NAB1: variants seen among roughly 807,000 people sequenced by gnomAD.
The protein encoded by NAB1 is NGFI-A binding protein 1.
NAB1 carries 25 observed loss-of-function variants against 49.9 expected under a neutral mutation model. The ratio of observed to expected loss-of-function variants is 0.50; its 90% CI spans 0.37 to 0.70. NAB1 has a LOEUF of 0.70. Ranked by LOEUF, NAB1 falls within the 30% of genes least tolerant of loss-of-function variation. NAB1 has a pLI of 0.00. For missense variants in NAB1, 489 were observed against 575.9 expected (o/e 0.85, Z 1.54); for synonymous variants, 198 against 215.6 (o/e 0.92, Z 0.71).
Position 190,659,459 on chromosome 2 carries a change from C to A in NAB1, c.283C>A (p.Pro95Thr). The A allele has an allele frequency of 6.2e-7, 1 of 1,614,144 alleles. No homozygotes were observed. ...PLTSLPVSSI[P>T]IYKLPEGSPT... ...GACTTCCCTTCCTGTCAGTAGCATA[C>A]CCATCTATAAATTACCAGAGGGATC... The change falls in exon 4 of 10, where the codon CCC becomes ACC. Residue 95 changes from proline to threonine, a missense_variant. Coordinates refer to ENST00000337386, the MANE Select transcript of NAB1 (RefSeq NM_005966.4). This position sits in a 1 kb window ranked among gnomAD's most constrained non-coding sequence, Gnocchi z 6.2.
At position 190,669,202 on chromosome 2, in the gene NAB1, G is replaced by T. The variant is rs1003300675; in HGVS notation, c.820-1124G>T. Among the ~76,000 whole-genome samples, 1 of 152,154 alleles carries T rather than the reference G, an allele frequency of 6.6e-6. No individual in the cohort carries two copies. Among genetic ancestry groups the T allele is most frequent in the Non-Finnish European group, 1.5e-5 (1 of 68,040 alleles). ...GCACACAGTTTAAAACTTATGAATT[G>T]TTTATTTGTATAATTTTTCATTTAA... On this transcript the variant is annotated intron_variant, in intron 4 of 9. Transcript: ENST00000337386. The surrounding 1 kb of genome is among the most constrained non-coding windows in gnomAD (Gnocchi z 4.3).
In NAB1 at chr2:190,689,126, A is replaced by C. The variant is rs758914495; in HGVS notation, c.1376-1119A>C. Among the ~76,000 whole-genome samples the C allele has an allele frequency of 2.0e-5, 3 of 152,134 alleles. No homozygotes were observed. Among genetic ancestry groups the C allele is most frequent in the Non-Finnish European group, 2.9e-5 (2 of 68,020 alleles). ...CAGGTGTGAGCCACTGTGCCCGGCC[A>C]CCTTATTCTTTATTTTTAACTGAAT... On this transcript the variant is annotated intron_variant, in intron 9 of 9. Coordinates refer to ENST00000337386, the MANE Select transcript of NAB1 (RefSeq NM_005966.4). This position sits in a 1 kb window ranked among gnomAD's most constrained non-coding sequence, Gnocchi z 4.3.
chr2:190,669,598 C>G lies in NAB1; in HGVS notation c.820-728C>G, dbSNP rs1449882787. 1.3e-5 allele frequency among the ~76,000 whole-genome samples: 2 copies of G among 152,124 alleles called. No homozygotes were observed. The highest frequency in any genetic ancestry group is 2.9e-5 in the Non-Finnish European group (2 of 68,032). Reference sequence around the variant, plus strand: ...TTGCATATTAAAAAAGTCTGATATACCTCTTGACAGTTTCCTATATCTATT... The same window carrying G: ...TTGCATATTAAAAAAGTCTGATATAGCTCTTGACAGTTTCCTATATCTATT... On this transcript the variant is annotated intron_variant, in intron 4 of 9. Transcript: ENST00000337386. This position sits in a 1 kb window ranked among gnomAD's most constrained non-coding sequence, Gnocchi z 4.3.
intron 6 of NAB1, among the ~76,000 whole-genome samples, chr2:190,681,469 G>T (rs1263228930): frequency 6.6e-6 from 1 of 152,074 alleles, no homozygotes; most frequent in East Asian, 1.9e-4. Context: ...TAAGAAAAAG[G>T]GAACTTTGGA....
Position 190,659,821 on chromosome 2 carries a change from G to C in NAB1, c.645G>C (p.Leu215Phe), listed in dbSNP as rs1380149938. 1 of 1,614,116 alleles carries C rather than the reference G, an allele frequency of 6.2e-7. No homozygotes were observed. The highest frequency in any genetic ancestry group is 1.3e-5 in the African/African-American group (1 of 74,938). The change falls in exon 4 of 10, where the codon TTG (leucine) becomes TTC (phenylalanine). Residue 215 changes from leucine (L) to phenylalanine (F), a missense_variant. This residue lies in a region of NAB1 where 204 missense variants were observed against 220.9 expected (regional missense o/e 0.92). Transcript: ENST00000337386. The surrounding 1 kb of genome is among the most constrained non-coding windows in gnomAD (Gnocchi z 6.2). ...CCCCCACACTGCCAAAAAGTGACTT[G>C]AATGAAGTGAAAGAGCTGCTAAAAA... is the stretch of plus-strand genomic sequence containing the variant. ...RMAPTLPKSD[L>F]NEVKELLKTN...
intron 3 of NAB1, among the ~76,000 whole-genome samples, chr2:190,658,594 T>G (rs908944473): frequency 2.0e-5 from 3 of 152,212 alleles, no homozygotes; most frequent in African/African-American, 7.2e-5. Context: ...AATTAACACC[T>G]TCTATTTCTC....
Position 190,670,610 on chromosome 2 carries a change from A to G in NAB1, c.953+151A>G, listed in dbSNP as rs1694754631. The G allele has an allele frequency of 1.1e-6, 1 of 876,262 alleles. No individual in the cohort carries two copies. Among genetic ancestry groups the G allele is most frequent in the Non-Finnish European group, 1.7e-6 (1 of 590,522 alleles). 54.3% of individuals were successfully genotyped at this position (876,262 alleles called of 1,614,324 possible). ...TAAACAATGCAGTGATTTTGAAAAC[A>G]TTGCCAAGGTGATTTTTGTTGTTTA... On this transcript the variant is annotated intron_variant, in intron 5 of 9. Transcript: ENST00000337386. The surrounding 1 kb of genome is among the most constrained non-coding windows in gnomAD (Gnocchi z 5.3).
At chr2:190,673,215 A>G in intron 6 of NAB1, 63 bp downstream of exon 6, 4 of 1,480,824 alleles carry the variant, frequency 2.7e-6, no homozygotes, top group Admixed American at 1.7e-5. Flanking sequence ...AGATCAAGCA[A>G]AATCTTAACT....
rs889650552 is a variant in NAB1 at position 190,689,370 on chromosome 2, ATAG to A, written c.1376-871_1376-869del. Among the ~76,000 whole-genome samples, 3 of 152,314 alleles carry A rather than the reference ATAG, an allele frequency of 2.0e-5. No individual in the cohort carries two copies. Among genetic ancestry groups the A allele is most frequent in the Admixed American group, 2.0e-4 (3 of 15,304 alleles). On this transcript the variant is annotated intron_variant, in intron 9 of 9. Transcript: ENST00000337386. The surrounding 1 kb of genome is among the most constrained non-coding windows in gnomAD (Gnocchi z 4.3). ...ATTCCAGCCAGCAGGAATTCAATAA[ATAG>A]TAGCTACTTTTTTTTACTACTCTTA...
In NAB1 at chr2:190,657,427, G is replaced by C. The variant is rs1269858242; in HGVS notation, c.-20+1274G>C. 6.6e-6 allele frequency among the ~76,000 whole-genome samples: 1 copy of C among 152,148 alleles called. No individual in the cohort carries two copies. The highest frequency in any genetic ancestry group is 1.5e-5 in the Non-Finnish European group (1 of 68,028). On this transcript the variant is annotated intron_variant, in intron 3 of 9. Transcript: ENST00000337386. The surrounding 1 kb of genome is among the most constrained non-coding windows in gnomAD (Gnocchi z 4.4). ...AGGATTTATTAAGTAGGAATCTTGT[G>C]CAGTGTGTCATATTTGCCTAATCAT...
chr2:190,668,503 G>C (rs1210507701), intron 4 of NAB1, among the ~76,000 whole-genome samples: 1 of 152,148 alleles, frequency 6.6e-6, no homozygotes, highest in East Asian at 1.9e-4. Context: ...GCCCATGCCA[G>C]ATGCTAATGT....
Position 190,670,436 on chromosome 2 carries a change from T to C in NAB1, c.930T>C (p.Tyr310=). Residue 310 remains tyrosine, a synonymous_variant, in exon 5 of 10, where the codon TAT becomes TAC. Coordinates refer to ENST00000337386, the MANE Select transcript of NAB1 (RefSeq NM_005966.4). The surrounding 1 kb of genome is among the most constrained non-coding windows in gnomAD (Gnocchi z 5.3). ...LARQISREVT[Y]KYTYRTTKSK... ...GACAGATTTCTCGAGAAGTCACCTA[T>C]AAATATACTTACAGAACCACCAAGT... 6.2e-7 allele frequency: 1 copy of C among 1,613,948 alleles called. No individual in the cohort carries two copies. Among genetic ancestry groups the C allele is most frequent in the Non-Finnish European group, 8.5e-7 (1 of 1,179,894 alleles).
intron 7 of NAB1, 115 bp downstream of exon 7, chr2:190,683,942 T>G: frequency 1.2e-6 from 1 of 819,348 alleles, no homozygotes; most frequent in East Asian, 2.7e-5. Context: ...TATTTCCGTT[T>G]GTTTTTTAAA....
In NAB1 at chr2:190,678,713, G is replaced by T. The variant is rs1268863257; in HGVS notation, c.1006-5025G>T. ...GAGAGCAAGGAAGGGGGAGGAAAGA[G>T]GTTCAGAATATCCACCTACGCTGCT... On this transcript the variant is annotated intron_variant, in intron 6 of 9. Transcript: ENST00000337386. The surrounding 1 kb of genome is among the most constrained non-coding windows in gnomAD (Gnocchi z 4.9). Among the ~76,000 whole-genome samples, 2 of 152,104 alleles carry T rather than the reference G, an allele frequency of 1.3e-5. No individual in the cohort carries two copies. The highest frequency in any genetic ancestry group is 3.9e-4 in the East Asian group (2 of 5,192).
In NAB1 at chr2:190,649,231, C is replaced by T. The variant is rs985777110; in HGVS notation, c.-463C>T. On this transcript the variant is annotated 5_prime_UTR_variant, in exon 1 of 10. Coordinates refer to ENST00000337386, the MANE Select transcript of NAB1 (RefSeq NM_005966.4). This position sits in a 1 kb window ranked among gnomAD's most constrained non-coding sequence, Gnocchi z 6.1. ...CGCGCCCACCACCTTCCCTTCCCCC[C>T]TCGATGGGAGCGGGGGCGTCCCGGC... is the stretch of plus-strand genomic sequence containing the variant. The T allele has an allele frequency of 6.6e-6, 1 of 151,874 alleles. No homozygotes were observed. The highest frequency in any genetic ancestry group is 1.5e-5 in the Non-Finnish European group (1 of 67,924). The allele number at this position is 151,874 out of a possible 1,614,324, so 9.4% of individuals were successfully genotyped here.
At position 190,685,430 on chromosome 2, in the gene NAB1, T is replaced by C; in HGVS notation, c.1096-46T>C. ...TTGGCATCTTTAAACCATTAAAAAA[T>C]CTAGAATGTTTCAGTTACTGATTTG... is the stretch of plus-strand genomic sequence containing the variant. On this transcript the variant is annotated intron_variant, in intron 7 of 9. Coordinates refer to ENST00000337386, the MANE Select transcript of NAB1 (RefSeq NM_005966.4). The surrounding 1 kb of genome is among the most constrained non-coding windows in gnomAD (Gnocchi z 4.5). 1 of 1,523,734 alleles carries C rather than the reference T, an allele frequency of 6.6e-7. No homozygotes were observed. The highest frequency in any genetic ancestry group is 8.8e-7 in the Non-Finnish European group (1 of 1,132,654). 94.4% of individuals were successfully genotyped at this position (1,523,734 alleles called of 1,614,324 possible).
chr2:190,658,214 C>T (rs1317583975), intron 3 of NAB1, among the ~76,000 whole-genome samples: 1 of 152,182 alleles, frequency 6.6e-6, no homozygotes, highest in Non-Finnish European at 1.5e-5. Flanking sequence ...CACCCACCCT[C>T]CTTATTTTAT....
Position 190,675,295 on chromosome 2 carries a change from T to G in NAB1, c.1005+2143T>G, listed in dbSNP as rs187045931. 2.6e-4 allele frequency among the ~76,000 whole-genome samples: 40 copies of G among 152,348 alleles called. No individual in the cohort carries two copies. Among genetic ancestry groups the G allele is most frequent in the Non-Finnish European group, 4.1e-4 (28 of 68,036 alleles). ...CACATTTAAGCCACACTTGTCTAGC[T>G]TTAGAGGTCACTAAATATTGAAATT... On this transcript the variant is annotated intron_variant, in intron 6 of 9. Coordinates refer to ENST00000337386, the MANE Select transcript of NAB1 (RefSeq NM_005966.4). This position sits in a 1 kb window ranked among gnomAD's most constrained non-coding sequence, Gnocchi z 5.2.
In NAB1 at chr2:190,663,777, A is replaced by C. The variant is rs541606753; in HGVS notation, c.819+3782A>C. 6.6e-6 allele frequency among the ~76,000 whole-genome samples: 1 copy of C among 152,124 alleles called. No homozygotes were observed. Among genetic ancestry groups the C allele is most frequent in the East Asian group, 1.9e-4 (1 of 5,208 alleles). On this transcript the variant is annotated intron_variant, in intron 4 of 9. Coordinates refer to ENST00000337386, the MANE Select transcript of NAB1 (RefSeq NM_005966.4). This position sits in a 1 kb window ranked among gnomAD's most constrained non-coding sequence, Gnocchi z 4.2. Reference sequence around the variant, plus strand: ...AGCAATTAAAGTATAAATTTTCACTATGTATTGATTCAGTGTTATTCCCAA... The same window carrying C: ...AGCAATTAAAGTATAAATTTTCACTCTGTATTGATTCAGTGTTATTCCCAA...
Sources: allele counts gnomAD v4.1 joint callset (sites outside exome capture counted in the v4.1 genomes callset), GRCh38; gene constraint gnomAD v4.1.1; regional missense constraint gnomAD v4.1.1; non-coding constraint Gnocchi (gnomAD v3.1); transcripts MANE v1.5; gene names NCBI Gene and HGNC (gene_info 2026-07-23, HGNC 2026-07-21).